Variants in CLSTN2 observed in about 807,000 individuals in gnomAD.
CLSTN2 encodes calsyntenin-2.
A neutral mutation model predicts 101.2 loss-of-function variants in CLSTN2; 48 were observed. That is an observed-to-expected ratio of 0.47 (90% CI 0.38 to 0.60). CLSTN2 has a LOEUF of 0.60. CLSTN2 is among the 20% of genes least tolerant of loss of function. The pLI is 0.00. For missense variants in CLSTN2, 1,160 were observed against 1,238.2 expected (o/e 0.94, Z 0.95); for synonymous variants, 481 against 463.6 (o/e 1.04, Z -0.48).
intron 2 of CLSTN2, among the ~76,000 whole-genome samples, chr3:140,337,299 A>T (rs1230146391): frequency 6.6e-6 from 1 of 152,124 alleles, no homozygotes; most frequent in Non-Finnish European, 1.5e-5. Context: ...GGCTGTGCAA[A>T]AGGATCTGTT....
intron 8 of CLSTN2, among the ~76,000 whole-genome samples, chr3:140,498,596 C>T (rs997756729): frequency 6.6e-6 from 1 of 152,192 alleles, no homozygotes; most frequent in Non-Finnish European, 1.5e-5. Flanking sequence ...TTTCACACGC[C>T]ATATGCAGTT....
rs114584796 is a variant in CLSTN2, at chr3:140,092,752, T to C, written c.110-83199T>C. 6.6e-3 allele frequency among the ~76,000 whole-genome samples: 1,007 copies of C among 152,296 alleles called. 10 individuals carry two copies. Among genetic ancestry groups the C allele is most frequent in the African/African-American group, 0.023 (954 of 41,558 alleles). On this transcript the variant is annotated intron_variant, in intron 1 of 16. Coordinates refer to ENST00000458420, the MANE Select transcript of CLSTN2 (RefSeq NM_022131.3). Reference sequence around the variant, plus strand: ...CAACACGAGGGAGTTCCACGAACAATGAAAGCTCATCCAGTGCTCACCACC... The same window carrying C: ...CAACACGAGGGAGTTCCACGAACAACGAAAGCTCATCCAGTGCTCACCACC...
intron 2 of CLSTN2, among the ~76,000 whole-genome samples, chr3:140,304,740 A>T (rs1177856830): frequency 1.3e-5 from 2 of 152,138 alleles, no homozygotes; most frequent in Non-Finnish European, 2.9e-5. Context: ...TCATTGAATC[A>T]GCGCAAAGGG....
At chr3:140,319,385 C>G (rs909459115) in intron 2 of CLSTN2, among the ~76,000 whole-genome samples, 1 of 152,164 alleles carries the variant, frequency 6.6e-6, no homozygotes, top group Non-Finnish European at 1.5e-5. Context: ...CTGCGTGCCT[C>G]TTTGTTCTTG....
At chr3:140,181,826 C>G (rs1027969501) in intron 2 of CLSTN2, among the ~76,000 whole-genome samples, 3 of 152,184 alleles carry the variant, frequency 2.0e-5, no homozygotes, top group Admixed American at 6.5e-5. Context: ...ATTTCAAATA[C>G]TGTTCAAGCT....
Position 140,567,105 on chromosome 3 carries a change from G to GGACAC in CLSTN2, c.*853_*857dup, listed in dbSNP as rs1334544919. The GGACAC allele has an allele frequency of 6.5e-6, 1 of 153,272 alleles. No homozygotes were observed. The highest frequency in any genetic ancestry group is 1.5e-5 in the Non-Finnish European group (1 of 68,928). 9.5% of individuals were successfully genotyped at this position (153,272 alleles called of 1,614,324 possible). ...AGGACAGTCACAACAAGGACAACAA[G>GGACAC]GACACAACACAACACACAACAAGGA... is the stretch of plus-strand genomic sequence containing the variant. On this transcript the variant is annotated 3_prime_UTR_variant, in exon 17 of 17. Transcript: ENST00000458420.
chr3:140,152,621 C>T (rs2009885111), intron 1 of CLSTN2, among the ~76,000 whole-genome samples: 1 of 152,190 alleles, frequency 6.6e-6, no homozygotes, highest in South Asian at 2.1e-4. Flanking sequence ...ACACTGTATA[C>T]ATGGGCAATT....
At chr3:140,543,279 C>T (rs1338109139) in intron 9 of CLSTN2, among the ~76,000 whole-genome samples, 1 of 152,078 alleles carries the variant, frequency 6.6e-6, no homozygotes, top group Admixed American at 6.5e-5. Context: ...ACAGAGATGC[C>T]CTTTTGCTGG....
intron 10 of CLSTN2, among the ~76,000 whole-genome samples, chr3:140,553,558 T>TA (rs1935746480): frequency 6.6e-6 from 1 of 152,132 alleles, no homozygotes; most frequent in African/African-American, 2.4e-5. Flanking sequence ...GCTAAGCTGT[T>TA]ACAGTAACAT....
chr3:140,376,436 G>A (rs2087917829), intron 2 of CLSTN2, among the ~76,000 whole-genome samples: 1 of 152,180 alleles, frequency 6.6e-6, no homozygotes. Flanking sequence ...TAATCTTGTG[G>A]CAGCATCACA....
intron 10 of CLSTN2, among the ~76,000 whole-genome samples, chr3:140,553,602 C>A (rs1284408553): frequency 6.6e-6 from 1 of 152,094 alleles, no homozygotes; most frequent in Non-Finnish European, 1.5e-5. Flanking sequence ...ACTGGCTTAA[C>A]ATGACAAGTT....
intron 1 of CLSTN2, among the ~76,000 whole-genome samples, chr3:139,970,796 G>T (rs2059414983): frequency 6.6e-6 from 1 of 152,166 alleles, no homozygotes; most frequent in African/African-American, 2.4e-5. Context: ...CATAAGTCAT[G>T]ACAGGACAGT....
chr3:140,133,644 C>T (rs747363049), intron 1 of CLSTN2, among the ~76,000 whole-genome samples: 9 of 152,134 alleles, frequency 5.9e-5, no homozygotes, highest in Non-Finnish European at 1.0e-4. Context: ...AGGCTGCCCT[C>T]GTTGCCAGAT....
At chr3:140,479,588 C>T (rs1291988326) in intron 8 of CLSTN2, among the ~76,000 whole-genome samples, 1 of 152,116 alleles carries the variant, frequency 6.6e-6, no homozygotes, top group Non-Finnish European at 1.5e-5. Flanking sequence ...TGTTTACAAA[C>T]TTAAAAGTAA....
At chr3:140,162,823 A>T (rs544761132) in intron 1 of CLSTN2, among the ~76,000 whole-genome samples, 2 of 152,222 alleles carry the variant, frequency 1.3e-5, no homozygotes, top group African/African-American at 4.8e-5. Flanking sequence ...GATAATTGTC[A>T]TCCATCGTTC....
At chr3:140,534,994 G>A (rs1387693513) in intron 9 of CLSTN2, among the ~76,000 whole-genome samples, 2 of 152,198 alleles carry the variant, frequency 1.3e-5, no homozygotes, top group African/African-American at 2.4e-5. Flanking sequence ...CGCCTCATCA[G>A]GGTGAGATGC....
intron 8 of CLSTN2, chr3:140,507,275 T>C (rs1452834418): frequency 2.6e-5 from 4 of 152,210 alleles, no homozygotes; most frequent in Non-Finnish European, 4.4e-5. Flanking sequence ...AGGTAGTTAC[T>C]AGTGTTATCA....
chr3:139,936,307 G>A (rs1467948626), intron 1 of CLSTN2, among the ~76,000 whole-genome samples: 3 of 152,172 alleles, frequency 2.0e-5, no homozygotes, highest in African/African-American at 7.2e-5. Context: ...GTCTGAAACA[G>A]GAGGTCACGT....
intron 1 of CLSTN2, among the ~76,000 whole-genome samples, chr3:140,006,239 A>G (rs1324047416): frequency 1.3e-5 from 2 of 152,230 alleles, no homozygotes; most frequent in Non-Finnish European, 2.9e-5. Flanking sequence ...ACATTTTTGC[A>G]TGTGCAAGAT....
Sources: allele counts gnomAD v4.1 joint callset (sites outside exome capture counted in the v4.1 genomes callset), GRCh38; gene constraint gnomAD v4.1.1; transcripts MANE v1.5; gene names NCBI Gene and HGNC (gene_info 2026-07-23, HGNC 2026-07-21).